Variants in IPO8 observed in about 807,000 individuals in gnomAD.
IPO8 encodes importin 8, also known as importin-8.
A neutral mutation model predicts 141.2 loss-of-function variants in IPO8; 65 were observed. The observed-to-expected ratio is 0.46, with a 90% CI of 0.38 to 0.57. IPO8 has a LOEUF of 0.57. Among genes scored for constraint, IPO8 ranks in the 20% least tolerant of loss-of-function variants. The pLI, the probability that IPO8 is intolerant of heterozygous loss-of-function variation, is 0.00. For synonymous variants in IPO8, 411 were observed against 420.3 expected (o/e 0.98, Z 0.27); for missense variants, 980 against 1,246.8 (o/e 0.79, Z 3.22).
At chr12:30,636,011 A>AAAAAC (rs746075481) in intron 22 of IPO8, among the ~76,000 whole-genome samples, 14 of 152,214 alleles carry the variant, frequency 9.2e-5, no homozygotes, top group African/African-American at 2.2e-4. Flanking sequence ...ACAGTTAGCT[A>AAAAAC]AAAACAAAAC....
intron 6 of IPO8, among the ~76,000 whole-genome samples, chr12:30,675,960 T>C (rs986785535): frequency 6.6e-6 from 1 of 152,160 alleles, no homozygotes; most frequent in African/African-American, 2.4e-5. Flanking sequence ...CAATACGTTT[T>C]TTTTCTTTTT....
At chr12:30,637,986 T>C (rs2052525524) in intron 21 of IPO8, among the ~76,000 whole-genome samples, 1 of 152,240 alleles carries the variant, frequency 6.6e-6, no homozygotes, top group African/African-American at 2.4e-5. Context: ...CATTCCTTGA[T>C]TGATTCAAGT....
chr12:30,630,192 AGAG>A lies in IPO8; in HGVS notation c.*665_*667del, dbSNP rs2052410866. 1 of 131,214 alleles carries A rather than the reference AGAG, an allele frequency of 7.6e-6. No homozygotes were observed. Among genetic ancestry groups the A allele is most frequent in the Non-Finnish European group, 1.7e-5 (1 of 57,226 alleles). The allele number at this position is 131,214 out of a possible 1,614,324, so 8.1% of individuals were successfully genotyped here. ...CCCCTTTTCAAGGCAGAAAAAAATG[AGAG>A]AAGAGGGAGTAAGACACTTCTTTAA... On this transcript the variant is annotated 3_prime_UTR_variant, in exon 25 of 25. Transcript: ENST00000256079.
chr12:30,662,544 G>C (rs1422253278), intron 14 of IPO8, 57 bp from the exon 15 acceptor site: 2 of 1,382,458 alleles, frequency 1.4e-6, no homozygotes, highest in African/African-American at 2.8e-5. Flanking sequence ...ATGATAAAAG[G>C]AATTAACTTG....
intron 1 of IPO8, among the ~76,000 whole-genome samples, chr12:30,693,171 C>T (rs1361795660): frequency 6.6e-6 from 1 of 152,178 alleles, no homozygotes; most frequent in Non-Finnish European, 1.5e-5. Context: ...GGATGAATTA[C>T]TTAAGCAAGG....
chr12:30,695,308 C>G lies in IPO8; in HGVS notation c.84+256G>C, dbSNP rs1179955519. On this transcript the variant is annotated intron_variant, in intron 1 of 24. Coordinates refer to ENST00000256079, the MANE Select transcript of IPO8 (RefSeq NM_006390.4). This position sits in a 1 kb window ranked among gnomAD's most constrained non-coding sequence, Gnocchi z 4.2. ...CTTCTTGCGGACCAAGTAGGCAGAA[C>G]AAACTGCCCTGGAGAAGGGAGACGA... 1.3e-5 allele frequency among the ~76,000 whole-genome samples: 2 copies of G among 152,228 alleles called. No individual in the cohort carries two copies. The highest frequency in any genetic ancestry group is 4.8e-5 in the African/African-American group (2 of 41,462).
At chr12:30,666,665 TTA>T (rs1362097102) in intron 10 of IPO8, among the ~76,000 whole-genome samples, 2 of 152,092 alleles carry the variant, frequency 1.3e-5, no homozygotes, top group Non-Finnish European at 1.5e-5. Flanking sequence ...AAGAAACACA[TTA>T]TACATATATA....
chr12:30,649,206 A>G lies in IPO8; in HGVS notation c.2199T>C (p.Asp733=), dbSNP rs1269910547. The part of the protein sequence containing the change: ...RKVLCGDAGE[D]AECHAAKLLE... The stretch of plus-strand genomic sequence containing the variant: ...GAAGTTTAGCTGCATGACACTCTGC[A>G]TCTTCTCCTGCATCTCCACATAGTA... Residue 733 remains aspartate (D), a synonymous_variant, in exon 20 of 25, where the codon GAT becomes GAC. Coordinates refer to ENST00000256079, the MANE Select transcript of IPO8 (RefSeq NM_006390.4). The G allele has an allele frequency of 6.2e-7, 1 of 1,613,196 alleles. No individual in the cohort carries two copies. The highest frequency in any genetic ancestry group is 8.5e-7 in the Non-Finnish European group (1 of 1,179,340).
At position 30,661,193 on chromosome 12, in the gene IPO8, C is replaced by A; in HGVS notation, c.1829G>T (p.Gly610Val). The change falls in exon 16 of 25, where the codon GGA becomes GTA. Residue 610 changes from glycine (G) to valine (V), a missense_variant. By Grantham distance (109) the Gly-to-Val change is moderately radical. This residue lies in a region of IPO8 where 924 missense variants were observed against 1,153.9 expected (regional missense o/e 0.80). Coordinates refer to ENST00000256079, the MANE Select transcript of IPO8 (RefSeq NM_006390.4). ...GATAGTATCAATGGTATGTAAAATT[C>A]CCATAGCCATTACTGTTTTGTCTTC... ...EVEDKTVMAM[G>V]ILHTIDTILT... The A allele has an allele frequency of 6.3e-7, 1 of 1,593,544 alleles. No individual in the cohort carries two copies. The highest frequency in any genetic ancestry group is 8.6e-7 in the Non-Finnish European group (1 of 1,169,382).
intron 16 of IPO8, among the ~76,000 whole-genome samples, chr12:30,658,973 C>A (rs564310688): frequency 6.6e-6 from 1 of 150,966 alleles, no homozygotes; most frequent in African/African-American, 2.4e-5. Context: ...CTCCGCCTCC[C>A]GGGTTCATGC....
At chr12:30,649,789 T>A (rs117965223) in intron 19 of IPO8, among the ~76,000 whole-genome samples, 1,615 of 152,240 alleles carry the variant, frequency 0.011, 10 homozygotes, top group Non-Finnish European at 0.014. Context: ...GTATTTTCAC[T>A]ATTATAAACA....
intron 12 of IPO8, 78 bp downstream of exon 12, chr12:30,665,651 T>C (rs2052952369): frequency 2.3e-6 from 2 of 871,142 alleles, no homozygotes; most frequent in Non-Finnish European, 3.7e-6. Flanking sequence ...AGCTTTAAAT[T>C]AGCCATAACT....
At position 30,630,813 on chromosome 12, in the gene IPO8, T is replaced by C. The variant is rs1162724892; in HGVS notation, c.*47A>G. ...CCCCTTGACCCTCACACTCCTCTTG[T>C]GAAATAAAATGCAGCGATGACATTT... is the stretch of plus-strand genomic sequence containing the variant. On this transcript the variant is annotated 3_prime_UTR_variant, in exon 25 of 25. Coordinates refer to ENST00000256079, the MANE Select transcript of IPO8 (RefSeq NM_006390.4). 3 of 1,485,076 alleles carry C rather than the reference T, an allele frequency of 2.0e-6. No homozygotes were observed. Among genetic ancestry groups the C allele is most frequent in the East Asian group, 4.5e-5 (2 of 44,258 alleles). 92.0% of individuals were successfully genotyped at this position (1,485,076 alleles called of 1,614,324 possible).
rs71052423 is a variant in IPO8 at position 30,671,674 on chromosome 12, CAAAAAAAAAAAAA to C, written c.910-591_910-579del. Among the ~76,000 whole-genome samples, 14 of 56,478 alleles carry C rather than the reference CAAAAAAAAAAAAA, an allele frequency of 2.5e-4. No individual in the cohort carries two copies. The Admixed American group carries it at 2.7e-3, about 11-fold the overall frequency. 37.1% of individuals were successfully genotyped at this position (56,478 alleles called of 152,430 possible). A position where few individuals can be genotyped will look rare whatever the true frequency, so the allele number is the denominator to read the frequency against. ...TGGGTGATAGAGCGAGACTCTGCCT[CAAAAAAAAAAAAA>C]AAAAAAAAAAAAAATTACAATAACA... On this transcript the variant is annotated intron_variant, in intron 8 of 24. Transcript: ENST00000256079.
At position 30,629,548 on chromosome 12, in the gene IPO8, A is replaced by G. The variant is rs527308973; in HGVS notation, c.*1312T>C. 3.3e-5 allele frequency: 5 copies of G among 152,316 alleles called. No homozygotes were observed. Among genetic ancestry groups the G allele is most frequent in the Middle Eastern group, 3.4e-3 (1 of 294 alleles). 9.4% of individuals were successfully genotyped at this position (152,316 alleles called of 1,614,324 possible). On this transcript the variant is annotated 3_prime_UTR_variant, in exon 25 of 25. Coordinates refer to ENST00000256079, the MANE Select transcript of IPO8 (RefSeq NM_006390.4). ...AAATTTAAGCTGTGAATTTTTGTGAATTTTCAATTCCACAGAAAGCAAAAT... is the reference window on the plus strand; with the variant it reads ...AAATTTAAGCTGTGAATTTTTGTGAGTTTTCAATTCCACAGAAAGCAAAAT...
chr12:30,629,558 C>T lies in IPO8; in HGVS notation c.*1302G>A, dbSNP rs8414. ...TGTGAATTTTTGTGAATTTTCAATT[C>T]CACAGAAAGCAAAATCTGTATCACA... is the stretch of plus-strand genomic sequence containing the variant. On this transcript the variant is annotated 3_prime_UTR_variant, in exon 25 of 25. Coordinates refer to ENST00000256079, the MANE Select transcript of IPO8 (RefSeq NM_006390.4). 0.59 allele frequency: 89,206 copies of T among 152,138 alleles called. 27,815 individuals are homozygous for T. Among genetic ancestry groups the T allele is most frequent in the African/African-American group, 0.81 (33,500 of 41,520 alleles). 9.4% of individuals were successfully genotyped at this position (152,138 alleles called of 1,614,324 possible). A position where few individuals can be genotyped will look rare whatever the true frequency, so the allele number is the denominator to read the frequency against.
At chr12:30,679,737 T>C (rs895389163) in intron 5 of IPO8, among the ~76,000 whole-genome samples, 3 of 152,216 alleles carry the variant, frequency 2.0e-5, no homozygotes, top group South Asian at 2.1e-4. Flanking sequence ...CAAACTATCA[T>C]GGTTTTTGAG....
At chr12:30,666,029 C>T in intron 11 of IPO8, 146 bp downstream of exon 11, 2 of 648,936 alleles carry the variant, frequency 3.1e-6, no homozygotes, top group Non-Finnish European at 2.5e-6. Context: ...CCCCTTTCCC[C>T]TCACCAGGAG....
In IPO8 at chr12:30,630,951, T is replaced by C. The variant is rs2052423498; in HGVS notation, c.3023A>G (p.Lys1008Arg). ...GCCTCCCTGTTGTTCAATCTTCTTCTTTGCCTCTAGCATTTTTCAAAAGAA... is the reference window on the plus strand; with the variant it reads ...GCCTCCCTGTTGTTCAATCTTCTTCCTTGCCTCTAGCATTTTTCAAAAGAA... ...AEHRRTVAEA[K>R]KKIEQQGGFT... The change falls in exon 25 of 25, where the codon AAG becomes AGG. Residue 1008 changes from lysine to arginine, a missense_variant. Around this residue, in one of 3 missense-constraint regions of IPO8, gnomAD observed 924 missense variants for 1,153.9 expected, o/e 0.80. Coordinates refer to ENST00000256079, the MANE Select transcript of IPO8 (RefSeq NM_006390.4). 6.2e-7 allele frequency: 1 copy of C among 1,612,308 alleles called. No homozygotes were observed. Among genetic ancestry groups the C allele is most frequent in the East Asian group, 2.2e-5 (1 of 44,884 alleles).
Sources: allele counts gnomAD v4.1 joint callset (sites outside exome capture counted in the v4.1 genomes callset), GRCh38; gene constraint gnomAD v4.1.1; regional missense constraint gnomAD v4.1.1; non-coding constraint Gnocchi (gnomAD v3.1); transcripts MANE v1.5; gene names NCBI Gene and HGNC (gene_info 2026-07-23, HGNC 2026-07-21).